Variants in CNN3 observed in about 807,000 individuals in gnomAD.
CNN3 encodes the protein calponin 3.
Under a neutral mutation model 39.0 loss-of-function variants are expected in CNN3, and 11 were observed. That is an observed-to-expected ratio of 0.28 (90% confidence interval 0.18 to 0.47). CNN3 has a LOEUF of 0.47. Ranked by LOEUF, CNN3 falls within the 20% of genes least tolerant of loss-of-function variation. The pLI, the probability that CNN3 is intolerant of heterozygous loss-of-function variation, is 0.99. For missense variants in CNN3, 266 were observed against 403.4 expected (o/e 0.66, Z 2.92); for synonymous variants, 101 against 138.3 (o/e 0.73, Z 1.89).
chr1:94,913,302 G>A (rs979323468), intron 1 of CNN3, among the ~76,000 whole-genome samples: 15 of 152,160 alleles, frequency 9.9e-5, no homozygotes, highest in African/African-American at 3.4e-4. Context: ...AGAAACGGGT[G>A]CGCATGGAGT....
rs761277986 is a variant in CNN3, at chr1:94,903,142, A to C, written c.226T>G (p.Ser76Ala). Reference sequence around the variant, plus strand: ...GTTACCTGAGGCCAGTTCAGTGAGGACTCGTTGACCTTCTTCACTGAGCCT... The same window carrying C: ...GTTACCTGAGGCCAGTTCAGTGAGGCCTCGTTGACCTTCTTCACTGAGCCT... ...QPGSVKKVNE[S>A]SLNWPQLENI... The change falls in exon 3 of 7, where the codon TCC (serine) becomes GCC (alanine). Residue 76 changes from serine to alanine, a missense_variant. Coordinates refer to ENST00000370206, the MANE Select transcript of CNN3 (RefSeq NM_001839.5). The C allele has an allele frequency of 1.9e-6, 3 of 1,610,896 alleles. No individual in the cohort carries two copies. The highest frequency in any genetic ancestry group is 2.5e-6 in the Non-Finnish European group (3 of 1,178,220).
chr1:94,908,998 AT>A (rs35469472), intron 1 of CNN3, among the ~76,000 whole-genome samples: 10,423 of 133,722 alleles, frequency 0.078, 452 homozygotes, highest in Middle Eastern at 0.1. Context: ...AAAAAAAAAA[AT>A]AGGCCAGGTG....
At chr1:94,906,283 G>A (rs781359359) in intron 1 of CNN3, among the ~76,000 whole-genome samples, 14 of 152,238 alleles carry the variant, frequency 9.2e-5, no homozygotes, top group African/African-American at 3.1e-4. Context: ...GCGTCCAGCC[G>A]ATAGACACGT....
intron 1 of CNN3, among the ~76,000 whole-genome samples, chr1:94,917,097 C>G (rs1040622546): frequency 1.3e-5 from 2 of 152,142 alleles, no homozygotes; most frequent in Non-Finnish European, 1.5e-5. Context: ...ATTGCAATGG[C>G]GCGATCTTGG....
chr1:94,926,788 C>A lies in CNN3; in HGVS notation c.57+50G>T. On this transcript the variant is annotated intron_variant, in intron 1 of 6. Coordinates refer to ENST00000370206, the MANE Select transcript of CNN3 (RefSeq NM_001839.5). This position sits in a 1 kb window ranked among gnomAD's most constrained non-coding sequence, Gnocchi z 4.2. Reference sequence around the variant, plus strand: ...AACGAAGCACGGCCCAGCGCCAGGCCAGCCCAAGGGTGCCCCGGGGGCCCC... The same window carrying A: ...AACGAAGCACGGCCCAGCGCCAGGCAAGCCCAAGGGTGCCCCGGGGGCCCC... The A allele has an allele frequency of 6.3e-7, 1 of 1,581,920 alleles. No individual in the cohort carries two copies. The highest frequency in any genetic ancestry group is 1.4e-5 in the African/African-American group (1 of 74,020).
intron 1 of CNN3, among the ~76,000 whole-genome samples, chr1:94,917,579 A>C (rs765274815): frequency 1.3e-5 from 2 of 152,122 alleles, no homozygotes; most frequent in Non-Finnish European, 2.9e-5. Flanking sequence ...TTGGAGAGCA[A>C]TTTGGCAATA....
intron 5 of CNN3, among the ~76,000 whole-genome samples, chr1:94,901,402 T>TAAA (rs145821505): frequency 8.5e-4 from 127 of 148,726 alleles, no homozygotes; most frequent in South Asian, 1.3e-3. Flanking sequence ...TTTTCTTTTT[T>TAAA]AAAAAAAAAA....
chr1:94,909,810 G>A (rs1486556474), intron 1 of CNN3, among the ~76,000 whole-genome samples: 1 of 152,000 alleles, frequency 6.6e-6, no homozygotes, highest in East Asian at 1.9e-4. Context: ...CGATTCCTGC[G>A]CTGTTGAATG....
rs1340269922 is a variant in CNN3 at position 94,918,504 on chromosome 1, AAAT to A, written c.57+8331_57+8333del. Reference sequence around the variant, plus strand: ...GTGAGACTGTCTCCCAAAAAAAATAAAATAAAAAAAAAAAAAGTCGGCAAGGGG... The same window carrying A: ...GTGAGACTGTCTCCCAAAAAAAATAAAAAAAAAAAAAAAGTCGGCAAGGGG... On this transcript the variant is annotated intron_variant, in intron 1 of 6. Transcript: ENST00000370206. 4.8e-4 allele frequency among the ~76,000 whole-genome samples: 46 copies of A among 96,794 alleles called. 6 individuals carry two copies. The highest frequency in any genetic ancestry group is 1.9e-3 in the East Asian group (6 of 3,164). 63.5% of individuals were successfully genotyped at this position (96,794 alleles called of 152,430 possible).
intron 1 of CNN3, among the ~76,000 whole-genome samples, chr1:94,914,958 A>T (rs1671247832): frequency 6.6e-6 from 1 of 151,782 alleles, no homozygotes; most frequent in Non-Finnish European, 1.5e-5. Flanking sequence ...ATCATAGCTC[A>T]CTGAAGCCTC....
chr1:94,905,419 A>G (rs1571520627), intron 1 of CNN3, among the ~76,000 whole-genome samples: 1 of 151,754 alleles, frequency 6.6e-6, no homozygotes, highest in Non-Finnish European at 1.5e-5. Flanking sequence ...TAATCAGACC[A>G]CTCCTGGGCT....
chr1:94,926,457 G>T lies in CNN3; in HGVS notation c.57+381C>A, dbSNP rs962576764. On this transcript the variant is annotated intron_variant, in intron 1 of 6. Coordinates refer to ENST00000370206, the MANE Select transcript of CNN3 (RefSeq NM_001839.5). This position sits in a 1 kb window ranked among gnomAD's most constrained non-coding sequence, Gnocchi z 4.2. Reference sequence around the variant, plus strand: ...GGCTCGCCGGGTCCCTGGCCGCGCAGACGGGCTCCGCCTAAGGGCGAGTGG... The same window carrying T: ...GGCTCGCCGGGTCCCTGGCCGCGCATACGGGCTCCGCCTAAGGGCGAGTGG... 6.6e-6 allele frequency among the ~76,000 whole-genome samples: 1 copy of T among 152,206 alleles called. No homozygotes were observed. Among genetic ancestry groups the T allele is most frequent in the Non-Finnish European group, 1.5e-5 (1 of 68,028 alleles).
At chr1:94,915,923 C>T (rs1053838244) in intron 1 of CNN3, among the ~76,000 whole-genome samples, 2 of 152,150 alleles carry the variant, frequency 1.3e-5, no homozygotes, top group Non-Finnish European at 2.9e-5. Context: ...TCTTCCCTTC[C>T]CCTTCTGAGC....
At position 94,897,676 on chromosome 1, in the gene CNN3, CA is replaced by C; in HGVS notation, c.*65del. 4 of 1,421,018 alleles carry C rather than the reference CA, an allele frequency of 2.8e-6. No homozygotes were observed. In the Admixed American group the frequency reaches 7.8e-5, roughly 28 times the overall value. 88.0% of individuals were successfully genotyped at this position (1,421,018 alleles called of 1,614,324 possible). A position where few individuals can be genotyped will look rare whatever the true frequency, so the allele number is the denominator to read the frequency against. ...TTAGGAAGACAAGATAAAAATTACT[CA>C]AGGCTAGCTTGGTTCTCACTGAATA... On this transcript the variant is annotated 3_prime_UTR_variant, in exon 7 of 7. Transcript: ENST00000370206.
At chr1:94,919,950 A>G (rs1671395747) in intron 1 of CNN3, among the ~76,000 whole-genome samples, 1 of 152,174 alleles carries the variant, frequency 6.6e-6, no homozygotes, top group African/African-American at 2.4e-5. Flanking sequence ...CTAGGTAGAG[A>G]CTTCATAAGA....
chr1:94,899,267 A>G lies in CNN3; in HGVS notation c.648+104T>C, dbSNP rs1670801015. ...CCAGCAAAGTCCACATTCCTGAAGG[A>G]ATATACTCTAAATAAACTATACAAA... is the stretch of plus-strand genomic sequence containing the variant. On this transcript the variant is annotated intron_variant, in intron 6 of 6. Transcript: ENST00000370206. 3.3e-6 allele frequency: 4 copies of G among 1,216,646 alleles called. No homozygotes were observed. The South Asian group carries it at 7.4e-5, about 23-fold the overall frequency. The allele number at this position is 1,216,646 out of a possible 1,614,324, so 75.4% of individuals were successfully genotyped here.
chr1:94,902,117 G>A lies in CNN3; in HGVS notation c.384+4C>T, dbSNP rs377466905. On this transcript the variant is annotated splice_donor_region_variant and intron_variant, in intron 4 of 6. Coordinates refer to ENST00000370206, the MANE Select transcript of CNN3 (RefSeq NM_001839.5). ...TTAACCAGCCATTAAAGACATGTACGTACCAGACCTGCTAGAGCCACCAGA... is the reference window on the plus strand; with the variant it reads ...TTAACCAGCCATTAAAGACATGTACATACCAGACCTGCTAGAGCCACCAGA... The A allele has an allele frequency of 3.1e-5, 50 of 1,608,536 alleles. No homozygotes were observed. In the South Asian group the frequency reaches 3.4e-4, roughly 11 times the overall value.
At chr1:94,916,292 G>A (rs902923537) in intron 1 of CNN3, among the ~76,000 whole-genome samples, 1 of 152,144 alleles carries the variant, frequency 6.6e-6, no homozygotes, top group Non-Finnish European at 1.5e-5. Context: ...TGTAGTCCCA[G>A]CTACTCGGGA....
intron 2 of CNN3, 28 bp from the exon 3 acceptor site, chr1:94,903,216 T>G (rs1440513258): frequency 2.5e-6 from 4 of 1,603,652 alleles, no homozygotes; most frequent in Non-Finnish European, 3.4e-6. Context: ...AGAGACATCT[T>G]ATTTACTGGC....
Sources: allele counts gnomAD v4.1 joint callset (sites outside exome capture counted in the v4.1 genomes callset), GRCh38; gene constraint gnomAD v4.1.1; non-coding constraint Gnocchi (gnomAD v3.1); transcripts MANE v1.5; gene names NCBI Gene and HGNC (gene_info 2026-07-23, HGNC 2026-07-21).